SLX4IP: variants seen among roughly 807,000 people sequenced by gnomAD.
The protein encoded by SLX4IP is protein SLX4IP.
Under a neutral mutation model 32.9 loss-of-function variants are expected in SLX4IP, and 34 were observed. The observed-to-expected ratio is 1.03, with a 90% CI of 0.79 to 1.38. SLX4IP has a LOEUF of 1.38. SLX4IP is among the 40% of genes most tolerant of loss of function. The probability of loss-of-function intolerance (pLI) is 0.00; values close to 1 mark genes in which losing one functional copy is unlikely to be tolerated. For synonymous variants in SLX4IP, 172 were observed against 171.7 expected, an observed-to-expected ratio of 1.00 and a Z score of -0.01; for missense variants, 444 against 479.0, an observed-to-expected ratio of 0.93 and a Z score of 0.68.
At chr20:10,441,563 A>G (rs909296581) in intron 1 of SLX4IP, among the ~76,000 whole-genome samples, 1 of 152,176 alleles carries the variant, frequency 6.6e-6, no homozygotes, top group Non-Finnish European at 1.5e-5. Context: ...TCAACTGACT[A>G]GGTTGAGAGT....
At chr20:10,578,103 T>C (rs2066542170) in intron 4 of SLX4IP, among the ~76,000 whole-genome samples, 1 of 152,226 alleles carries the variant, frequency 6.6e-6, no homozygotes, top group Non-Finnish European at 1.5e-5. Context: ...CATATACAAT[T>C]CACCTGTTTA....
At chr20:10,452,680 A>ATATATATATATAT (rs1555805196) in intron 1 of SLX4IP, among the ~76,000 whole-genome samples, 12 of 109,514 alleles carry the variant, frequency 1.1e-4, no homozygotes, top group African/African-American at 3.9e-4. Context: ...AAAAAAAAAA[A>ATATATATATATAT]ATATATATAT....
intron 1 of SLX4IP, among the ~76,000 whole-genome samples, chr20:10,457,450 T>C (rs1164482100): frequency 1.3e-5 from 2 of 151,572 alleles, no homozygotes; most frequent in African/African-American, 2.4e-5. Context: ...TGGGTTTTTT[T>C]TTTTTGTATT....
At chr20:10,436,518 G>T (rs145397906) in intron 1 of SLX4IP, among the ~76,000 whole-genome samples, 3 of 151,938 alleles carry the variant, frequency 2.0e-5, no homozygotes, top group African/African-American at 7.3e-5. Context: ...CACCACCCCC[G>T]GCTAATTTTT....
At chr20:10,479,132 C>T (rs1230049573) in intron 2 of SLX4IP, among the ~76,000 whole-genome samples, 1 of 152,192 alleles carries the variant, frequency 6.6e-6, no homozygotes, top group Non-Finnish European at 1.5e-5. Flanking sequence ...TGGACTCCAC[C>T]TAGAGGCAAG....
intron 2 of SLX4IP, among the ~76,000 whole-genome samples, chr20:10,518,410 TC>T (rs781686847): frequency 0.02 from 2,449 of 119,734 alleles, 96 homozygotes; most frequent in Non-Finnish European, 0.03. Flanking sequence ...TTTCTTTCCT[TC>T]CTTCCTTCCT....
intron 1 of SLX4IP, among the ~76,000 whole-genome samples, chr20:10,446,711 T>C (rs561379255): frequency 5.4e-4 from 82 of 152,332 alleles, no homozygotes; most frequent in African/African-American, 1.8e-3. Context: ...CATTTTCCCA[T>C]GGCTAATGAT....
chr20:10,526,246 T>G (rs2065939770), intron 2 of SLX4IP, among the ~76,000 whole-genome samples: 1 of 152,234 alleles, frequency 6.6e-6, no homozygotes, highest in South Asian at 2.1e-4. Context: ...GATAAAATTA[T>G]AGTTGAGAAA....
At chr20:10,588,242 C>T (rs751766345) in intron 4 of SLX4IP, among the ~76,000 whole-genome samples, 24 of 152,020 alleles carry the variant, frequency 1.6e-4, no homozygotes, top group Non-Finnish European at 3.5e-4. Flanking sequence ...TAATTGTAAA[C>T]AGGTATATGG....
chr20:10,473,147 C>A (rs2065439999), intron 2 of SLX4IP, among the ~76,000 whole-genome samples: 1 of 152,184 alleles, frequency 6.6e-6, no homozygotes, highest in Non-Finnish European at 1.5e-5. Flanking sequence ...TGGGGCATGG[C>A]CAGCATTCGG....
In SLX4IP at chr20:10,557,683, C is replaced by T. The variant is rs1252882042; in HGVS notation, c.117+1363C>T. On this transcript the variant is annotated intron_variant, in intron 3 of 7. Transcript: ENST00000334534. ...TCCAGGCCTGTTCTCCATTCCCTTT[C>T]GGCTTTGCCACCTTAGACCTTTATC... Among the ~76,000 whole-genome samples the T allele has an allele frequency of 2.6e-5, 4 of 152,208 alleles. No individual in the cohort carries two copies. In the South Asian group the frequency reaches 6.2e-4, roughly 24 times the overall value.
chr20:10,456,168 T>C (rs2065283958), intron 1 of SLX4IP, among the ~76,000 whole-genome samples: 2 of 152,150 alleles, frequency 1.3e-5, no homozygotes, highest in African/African-American at 4.8e-5. Context: ...TGTGTTTAGA[T>C]TTGGATCTCA....
At chr20:10,554,885 G>A (rs1186111823) in intron 2 of SLX4IP, among the ~76,000 whole-genome samples, 2 of 151,934 alleles carry the variant, frequency 1.3e-5, no homozygotes, top group Non-Finnish European at 2.9e-5. Context: ...ATTTCTCCCA[G>A]TCTGTAACAT....
chr20:10,495,423 G>T (rs652325), intron 2 of SLX4IP, among the ~76,000 whole-genome samples: 3 of 151,978 alleles, frequency 2.0e-5, no homozygotes, highest in Non-Finnish European at 4.4e-5. Context: ...CTGGTACATG[G>T]TCGGGGTTTT....
chr20:10,619,052 A>G (rs905812121), intron 6 of SLX4IP, among the ~76,000 whole-genome samples: 8 of 152,196 alleles, frequency 5.3e-5, no homozygotes, highest in Non-Finnish European at 8.8e-5. Context: ...CTGACAGCTC[A>G]GGGGCTGAAG....
chr20:10,511,492 C>T (rs2065807663), intron 2 of SLX4IP, among the ~76,000 whole-genome samples: 1 of 152,228 alleles, frequency 6.6e-6, no homozygotes, highest in South Asian at 2.1e-4. Flanking sequence ...TGAAATCTGC[C>T]TCCTTGAAAC....
intron 4 of SLX4IP, among the ~76,000 whole-genome samples, chr20:10,578,688 G>C (rs569236239): frequency 6.6e-6 from 1 of 152,260 alleles, no homozygotes; most frequent in African/African-American, 2.4e-5. Flanking sequence ...AGCATTTTCT[G>C]TTCCTGCCAG....
In SLX4IP at chr20:10,444,921, T is replaced by G. The variant is rs112684608; in HGVS notation, c.-30+9468T>G. Among the ~76,000 whole-genome samples, 1,239 of 152,264 alleles carry G rather than the reference T, an allele frequency of 8.1e-3. 6 individuals are homozygous for G. The highest frequency in any genetic ancestry group is 0.013 in the Non-Finnish European group (887 of 67,996). ...TAGACCATAGCACCATGTTGTGATTTTTCCTTCTCGTGGGAGGCGGATGGG... is the reference window on the plus strand; with the variant it reads ...TAGACCATAGCACCATGTTGTGATTGTTCCTTCTCGTGGGAGGCGGATGGG... On this transcript the variant is annotated intron_variant, in intron 1 of 7. Transcript: ENST00000334534.
At chr20:10,524,073 C>T (rs2065922090) in intron 2 of SLX4IP, among the ~76,000 whole-genome samples, 1 of 152,198 alleles carries the variant, frequency 6.6e-6, no homozygotes, top group Non-Finnish European at 1.5e-5. Flanking sequence ...GACCCTAAGA[C>T]TCTGCACTGG....
Sources: allele counts gnomAD v4.1 joint callset (sites outside exome capture counted in the v4.1 genomes callset), GRCh38; gene constraint gnomAD v4.1.1; transcripts MANE v1.5; gene names NCBI Gene and HGNC (gene_info 2026-07-23, HGNC 2026-07-21).